Variants in RLIG1 observed in about 807,000 individuals in gnomAD.
RLIG1 encodes the protein RNA 5'-phosphate and 3'-OH ligase 1.
At chr12:88,048,238 A>T in the RLIG1 span, 1 of 1,549,292 alleles carries the variant, frequency 6.5e-7, no homozygotes, top group Admixed American at 2.0e-5. Context: ...TTCCAGGTCC[A>T]TCGCCATCAT....
chr12:88,040,981 A>G, the RLIG1 span, among the ~76,000 whole-genome samples: 1 of 152,100 alleles, frequency 6.6e-6, no homozygotes, highest in African/African-American at 2.4e-5. Flanking sequence ...CATCTTAACC[A>G]TTTTTAAGTA....
the RLIG1 span, chr12:88,045,709 A>C: frequency 6.2e-7 from 1 of 1,613,350 alleles, no homozygotes; most frequent in Non-Finnish European, 8.5e-7. Context: ...AAATTAGTGC[A>C]GTGCCACTTT....
chr12:88,045,512 T>C, the RLIG1 span: 23 of 1,099,252 alleles, frequency 2.1e-5, no homozygotes, highest in Non-Finnish European at 2.5e-5. Flanking sequence ...AACAAAAATA[T>C]AAATTACCTG....
At chr12:88,035,857 C>T in the RLIG1 span, 3 of 1,522,662 alleles carry the variant, frequency 2.0e-6, no homozygotes. Flanking sequence ...AGGCCAGGAA[C>T]CTCTGTAGGT....
the RLIG1 span, chr12:88,040,176 TA>T: frequency 6.2e-7 from 1 of 1,610,632 alleles, no homozygotes; most frequent in South Asian, 1.1e-5. Flanking sequence ...ACTGAAACTG[TA>T]AGTCACAAGG....
the RLIG1 span, chr12:88,045,790 A>T: frequency 6.2e-7 from 1 of 1,603,884 alleles, no homozygotes; most frequent in Admixed American, 1.7e-5. Context: ...GTGAGTGAAG[A>T]CTTTTTCTTG....
chr12:88,048,878 C>T, the RLIG1 span: 2 of 209,736 alleles, frequency 9.5e-6, no homozygotes, highest in Admixed American at 1.1e-4. Context: ...ATATAAACTC[C>T]AATTTTAAAT....
the RLIG1 span, chr12:88,040,262 A>G: frequency 6.7e-7 from 1 of 1,499,822 alleles, no homozygotes; most frequent in South Asian, 1.2e-5. Context: ...TACTACCTAT[A>G]AAGGTAAAAT....
At chr12:88,039,431 T>C in the RLIG1 span, among the ~76,000 whole-genome samples, 4 of 152,196 alleles carry the variant, frequency 2.6e-5, no homozygotes, top group Non-Finnish European at 5.9e-5. Context: ...GATACTTGTA[T>C]TGAACTACCA....
chr12:88,049,139 T>G, the RLIG1 span: 2 of 1,154,452 alleles, frequency 1.7e-6, no homozygotes, highest in Non-Finnish European at 2.5e-6. Context: ...ATTTAACTTA[T>G]AAAGTTAATA....
At chr12:88,035,889 G>C in the RLIG1 span, 1 of 1,506,068 alleles carries the variant, frequency 6.6e-7, no homozygotes, top group East Asian at 2.5e-5. Flanking sequence ...GGTCTGGGGT[G>C]GGAGTTCCGT....
chr12:88,049,090 G>A, the RLIG1 span: 5 of 662,700 alleles, frequency 7.5e-6, no homozygotes, highest in South Asian at 7.4e-5. Flanking sequence ...TAGTGAGAAG[G>A]AAATACTACA....
the RLIG1 span, chr12:88,042,925 G>GTT: frequency 9.9e-6 from 15 of 1,516,124 alleles, no homozygotes; most frequent in South Asian, 2.5e-5. Flanking sequence ...CAAAAGGTTA[G>GTT]TTTTTTTTTA....
At chr12:88,048,370 A>AAAT in the RLIG1 span, 6 of 1,589,150 alleles carry the variant, frequency 3.8e-6, no homozygotes, top group South Asian at 1.2e-5. Flanking sequence ...CATTTTTTAA[A>AAAT]AATAGATAAT....
chr12:88,037,683 A>C, the RLIG1 span, among the ~76,000 whole-genome samples: 1 of 152,188 alleles, frequency 6.6e-6, no homozygotes, highest in African/African-American at 2.4e-5. Flanking sequence ...TTATATTTTA[A>C]AAGTATTGAA....
the RLIG1 span, chr12:88,040,313 A>T: frequency 6.1e-6 from 7 of 1,141,654 alleles, no homozygotes; most frequent in South Asian, 1.0e-4. Context: ...TATTTTTCTT[A>T]ATCACTTTAC....
the RLIG1 span, among the ~76,000 whole-genome samples, chr12:88,047,925 C>G: frequency 6.6e-6 from 1 of 152,114 alleles, no homozygotes; most frequent in Non-Finnish European, 1.5e-5. Context: ...AGTCTGTACT[C>G]AGCAACAGGC....
At chr12:88,047,090 A>G in the RLIG1 span, 1 of 1,115,688 alleles carries the variant, frequency 9.0e-7, no homozygotes, top group Non-Finnish European at 1.3e-6. Context: ...TGCAGTAAAG[A>G]AATTTAATTT....
At chr12:88,048,455 T>A in the RLIG1 span, 1 of 1,046,810 alleles carries the variant, frequency 9.6e-7, no homozygotes, top group Non-Finnish European at 1.3e-6. Flanking sequence ...CATTATATTC[T>A]AATCTTGAAT....
Sources: allele counts gnomAD v4.1 joint callset (sites outside exome capture counted in the v4.1 genomes callset), GRCh38; gene constraint gnomAD v4.1.1; transcripts MANE v1.5; gene names NCBI Gene and HGNC (gene_info 2026-07-23, HGNC 2026-07-21).